Variants in AGT observed in about 807,000 individuals in gnomAD.
AGT encodes alpha-1 antiproteinase, antitrypsin.
Under a neutral mutation model 28.1 loss-of-function variants are expected in AGT, and 26 were observed. The ratio of observed to expected loss-of-function variants is 0.92; its 90% CI spans 0.68 to 1.28. The LOEUF (loss-of-function observed/expected upper bound fraction) is 1.28. Ranked by LOEUF, AGT falls within the 50% of genes most tolerant of loss-of-function variation. The probability of loss-of-function intolerance (pLI) is 0.00; values close to 1 mark genes in which losing one functional copy is unlikely to be tolerated. For missense variants in AGT, 596 were observed against 592.3 expected, an observed-to-expected ratio of 1.01 and a Z score of -0.06; for synonymous variants, 259 against 259.6, an observed-to-expected ratio of 1.00 and a Z score of 0.02.
At chr1:230,733,285 AAAAC>A (rs199570846) in intron 1 of AGT, among the ~76,000 whole-genome samples, 4 of 149,820 alleles carry the variant, frequency 2.7e-5, no homozygotes, top group East Asian at 2.2e-4. Context: ...CTCCGTCTCA[AAAAC>A]AAACAAACAA....
intron 1 of AGT, among the ~76,000 whole-genome samples, chr1:230,721,147 T>A (rs568288602): frequency 6.6e-6 from 1 of 152,362 alleles, no homozygotes; most frequent in Admixed American, 6.5e-5. Flanking sequence ...GTAAGATAGT[T>A]CTGACCAATG....
chr1:230,723,255 G>A (rs1194787845), intron 1 of AGT, among the ~76,000 whole-genome samples: 2 of 152,008 alleles, frequency 1.3e-5, no homozygotes, highest in African/African-American at 4.8e-5. Flanking sequence ...GCAGAACTGT[G>A]AGCCAATTAA....
chr1:230,745,181 C>T (rs1303663041), intron 1 of AGT, among the ~76,000 whole-genome samples: 1 of 152,184 alleles, frequency 6.6e-6, no homozygotes, highest in African/African-American at 2.4e-5. Flanking sequence ...CAAGTTGAGG[C>T]AAGTCAGGCT....
At chr1:230,740,907 A>G (rs1664237190) in intron 1 of AGT, among the ~76,000 whole-genome samples, 1 of 152,202 alleles carries the variant, frequency 6.6e-6, no homozygotes, top group African/African-American at 2.4e-5. Context: ...AGATCGCACC[A>G]CTGCACTCTA....
intron 1 of AGT, among the ~76,000 whole-genome samples, chr1:230,734,867 G>T (rs61826452): frequency 2.6e-5 from 4 of 151,640 alleles, no homozygotes; most frequent in Non-Finnish European, 5.9e-5. Context: ...CTGCCACCAC[G>T]CCTGGCTAAC....
At chr1:230,720,984 G>C (rs1008454089) in intron 1 of AGT, among the ~76,000 whole-genome samples, 1 of 152,208 alleles carries the variant, frequency 6.6e-6, no homozygotes, top group Non-Finnish European at 1.5e-5. Context: ...AGCCAGACCT[G>C]GCCCAGGGGG....
At chr1:230,732,320 T>C (rs1664083745) in intron 1 of AGT, among the ~76,000 whole-genome samples, 1 of 151,450 alleles carries the variant, frequency 6.6e-6, no homozygotes, top group Non-Finnish European at 1.5e-5. Flanking sequence ...ATTTGGAGGG[T>C]TGATCTTCTT....
chr1:230,735,697 A>G (rs1194814622), intron 1 of AGT, among the ~76,000 whole-genome samples: 2 of 151,984 alleles, frequency 1.3e-5, no homozygotes, highest in Admixed American at 1.3e-4. Context: ...CTTCCACTCC[A>G]CAGCTTCTCC....
Position 230,708,049 on chromosome 1 carries a change from G to T in AGT, c.830-1849C>A, listed in dbSNP as rs565599613. ...ATCATTGCTAAAGGGAAACCTAGAGGTCCCGAGACAGCCCCCGATCTCCTC... is the reference window on the plus strand; with the variant it reads ...ATCATTGCTAAAGGGAAACCTAGAGTTCCCGAGACAGCCCCCGATCTCCTC... On this transcript the variant is annotated intron_variant, in intron 2 of 4. Coordinates refer to ENST00000366667, the MANE Select transcript of AGT (RefSeq NM_001384479.1). Among the ~76,000 whole-genome samples, 4 of 152,292 alleles carry T rather than the reference G, an allele frequency of 2.6e-5. No homozygotes were observed. The South Asian group carries it at 8.3e-4, about 32-fold the overall frequency.
At chr1:230,740,931 G>A (rs144700659) in intron 1 of AGT, among the ~76,000 whole-genome samples, 274 of 152,284 alleles carry the variant, frequency 1.8e-3, no homozygotes, top group African/African-American at 6.2e-3. Flanking sequence ...TGGCAACAGA[G>A]GAGACTCTGT....
chr1:230,731,398 CCT>C (rs1326385256), intron 1 of AGT, among the ~76,000 whole-genome samples: 1 of 152,212 alleles, frequency 6.6e-6, no homozygotes, highest in Non-Finnish European at 1.5e-5. Flanking sequence ...CATGAGATTT[CCT>C]CCCAGAGGAA....
chr1:230,719,404 A>ATGTTTTTTTTTTTTGTTTTTTTT (rs1558291258), upstream of AGT, among the ~76,000 whole-genome samples: 1 of 99,630 alleles, frequency 1.0e-5, no homozygotes, highest in African/African-American at 6.0e-5. Context: ...TATTATCATT[A>ATGTTTTTTTTTTTTGTTTTTTTT]TGTTTTTTTT....
chr1:230,711,941 G>A (rs1031206935), intron 1 of AGT, among the ~76,000 whole-genome samples: 3 of 152,084 alleles, frequency 2.0e-5, no homozygotes, highest in Admixed American at 2.0e-4. Context: ...CTGGGCTTCA[G>A]CCTCAGCTGC....
At chr1:230,715,372 G>T (rs1663709256), upstream of AGT, among the ~76,000 whole-genome samples, 1 of 152,096 alleles carries the variant, frequency 6.6e-6, no homozygotes. Context: ...AGGTGGCTTT[G>T]TCTGAACAGA....
chr1:230,738,262 G>A lies in AGT; in HGVS notation c.-31+7253C>T, dbSNP rs925168479. On this transcript the variant is annotated intron_variant, in intron 1 of 4. Transcript: ENST00000681269. Reference sequence around the variant, plus strand: ...AGTAACTCTATGTCTAGTTGTTTGAGGACCTGTCACACTTTTCCAAATTGG... The same window carrying A: ...AGTAACTCTATGTCTAGTTGTTTGAAGACCTGTCACACTTTTCCAAATTGG... Among the ~76,000 whole-genome samples the A allele has an allele frequency of 3.7e-4, 57 of 152,288 alleles. 1 individual carries two copies. The highest frequency in any genetic ancestry group is 1.3e-3 in the African/African-American group (56 of 41,564).
At chr1:230,725,710 T>C (rs139517221) in intron 1 of AGT, among the ~76,000 whole-genome samples, 144 of 152,302 alleles carry the variant, frequency 9.5e-4, no homozygotes, top group African/African-American at 3.4e-3. Flanking sequence ...ACAGAAAACA[T>C]TGCAAAGAAA....
chr1:230,720,518 C>T (rs377630710), intron 1 of AGT, among the ~76,000 whole-genome samples: 45 of 152,296 alleles, frequency 3.0e-4, no homozygotes, highest in South Asian at 8.3e-4. Context: ...GGCGGGTCCC[C>T]GGTGAAATCC....
chr1:230,704,389 C>G (rs1433570634), intron 3 of AGT, 52 bp from the exon 4 acceptor site: 2 of 1,602,864 alleles, frequency 1.2e-6, no homozygotes, highest in South Asian at 1.1e-5. Flanking sequence ...AGTGAGGGCT[C>G]TCCCAGAGGC....
chr1:230,730,083 GC>G (rs1250521677), intron 1 of AGT, among the ~76,000 whole-genome samples: 1 of 151,938 alleles, frequency 6.6e-6, no homozygotes, highest in African/African-American at 2.4e-5. Flanking sequence ...GATCCGCCCG[GC>G]TAATTTTTGT....
Sources: gnomAD v4.1 joint callset for allele counts (sites outside exome capture counted in the v4.1 genomes callset) on GRCh38, gnomAD v4.1.1 for gene constraint, MANE v1.5 for transcripts, NCBI Gene and HGNC (gene_info 2026-07-23, HGNC 2026-07-21) for gene names.